The following EYA4 variants were observed in gnomAD, a reference collection of about 807,000 sequenced individuals.
The protein encoded by EYA4 is EYA transcriptional coactivator and phosphatase 4.
Under a neutral mutation model 87.9 loss-of-function variants are expected in EYA4, and 31 were observed. The ratio of observed to expected loss-of-function variants is 0.35; its 90% CI spans 0.27 to 0.48. EYA4 has a LOEUF of 0.48. Ranked by LOEUF, EYA4 falls within the 20% of genes least tolerant of loss-of-function variation. EYA4 has a pLI of 0.99. For missense variants in EYA4, 678 were observed against 761.4 expected (o/e 0.89, Z 1.29); for synonymous variants, 263 against 270.6 (o/e 0.97, Z 0.28).
At chr6:133,357,270 CAAAA>C (rs754202361) in intron 2 of EYA4, among the ~76,000 whole-genome samples, 10,322 of 64,672 alleles carry the variant, frequency 0.16, 297 homozygotes, top group South Asian at 0.31. Flanking sequence ...GACTCCGTCT[CAAAA>C]AAAAAAAAAA....
At chr6:133,416,275 C>G (rs186215964) in intron 3 of EYA4, among the ~76,000 whole-genome samples, 66 of 152,144 alleles carry the variant, frequency 4.3e-4, no homozygotes, top group Non-Finnish European at 7.9e-4. Context: ...AGTTAAAATG[C>G]AGATAAAGGA....
chr6:133,315,559 A>C (rs2128340813), intron 2 of EYA4, among the ~76,000 whole-genome samples: 1 of 152,294 alleles, frequency 6.6e-6, no homozygotes, highest in Admixed American at 6.5e-5. Context: ...AAAATGGTAA[A>C]AGAAAATGAG....
chr6:133,505,992 TA>T (rs554134605), intron 13 of EYA4, 113 bp from the exon 14 acceptor site: 5 of 735,098 alleles, frequency 6.8e-6, no homozygotes, highest in Non-Finnish European at 1.2e-5. Flanking sequence ...GAATCTTCAG[TA>T]AAAACCCATG....
At chr6:133,404,426 T>C (rs1358109800) in intron 3 of EYA4, among the ~76,000 whole-genome samples, 1 of 152,192 alleles carries the variant, frequency 6.6e-6, no homozygotes, top group Non-Finnish European at 1.5e-5. Flanking sequence ...CAATACCTCC[T>C]CTTAACCAAG....
In EYA4 at chr6:133,342,606, A is replaced by ATATATATATATATATAT. The variant is rs1554230276; in HGVS notation, c.34-39785_34-39784insATATATATATATATATT. 1.8e-3 allele frequency among the ~76,000 whole-genome samples: 95 copies of ATATATATATATATATAT among 53,930 alleles called. 1 individual carries two copies. The highest frequency in any genetic ancestry group is 6.8e-3 in the African/African-American group (71 of 10,474). The allele number at this position is 53,930 out of a possible 152,430, so 35.4% of individuals were successfully genotyped here. On this transcript the variant is annotated intron_variant, in intron 2 of 19. Coordinates refer to ENST00000355286, the MANE Select transcript of EYA4 (RefSeq NM_004100.5). ...ATATATATATATATATATATATATA[A>ATATATATATATATATAT]TTCTTTATATTTCTCTGGGCTTAAC...
chr6:133,361,723 A>G (rs1784466561), intron 2 of EYA4, among the ~76,000 whole-genome samples: 1 of 152,218 alleles, frequency 6.6e-6, no homozygotes, highest in Non-Finnish European at 1.5e-5. Context: ...ATTAGTGAAC[A>G]TGTTGATCAA....
At chr6:133,377,011 T>C (rs2128471875) in intron 2 of EYA4, among the ~76,000 whole-genome samples, 1 of 152,130 alleles carries the variant, frequency 6.6e-6, no homozygotes, top group East Asian at 1.9e-4. Flanking sequence ...TCTGCTTTAT[T>C]TTCATCTCAG....
chr6:133,391,222 G>GTTTTTTTTTTGT (rs1787250786), intron 3 of EYA4, among the ~76,000 whole-genome samples: 2 of 89,830 alleles, frequency 2.2e-5, no homozygotes, highest in African/African-American at 6.6e-5. Flanking sequence ...TTTTGTTTTT[G>GTTTTTTTTTTGT]TTTTTTTTTT....
chr6:133,336,926 T>A (rs940852792), intron 2 of EYA4, among the ~76,000 whole-genome samples: 7 of 151,976 alleles, frequency 4.6e-5, no homozygotes, highest in Admixed American at 2.0e-4. Flanking sequence ...GCAGGCTGGG[T>A]AGTTACTTGC....
rs576675257 is a variant in EYA4 at position 133,496,848 on chromosome 6, C to T, written c.1192-9258C>T. Among the ~76,000 whole-genome samples, 4 of 152,306 alleles carry T rather than the reference C, an allele frequency of 2.6e-5. No individual in the cohort carries two copies. In the East Asian group the frequency reaches 7.7e-4, roughly 29 times the overall value. ...AGAAATAACTAAAGGCAGATGTTTT[C>T]AGACCTGCAAGGTCAATGTTTACTC... On this transcript the variant is annotated intron_variant, in intron 13 of 19. Coordinates refer to ENST00000355286, the MANE Select transcript of EYA4 (RefSeq NM_004100.5).
chr6:133,434,094 A>C (rs1312211202), intron 3 of EYA4, among the ~76,000 whole-genome samples: 2 of 152,202 alleles, frequency 1.3e-5, no homozygotes, highest in African/African-American at 4.8e-5. Context: ...CTTATGGAAG[A>C]GAATGCTAGG....
At chr6:133,427,525 T>TA (rs937885221) in intron 3 of EYA4, among the ~76,000 whole-genome samples, 7 of 152,266 alleles carry the variant, frequency 4.6e-5, no homozygotes, top group Non-Finnish European at 1.0e-4. Flanking sequence ...TTGACAGGGG[T>TA]AAGGCCATTT....
At position 133,481,604 on chromosome 6, in the gene EYA4, G is replaced by T; in HGVS notation, c.1107+5G>T. 6.2e-7 allele frequency: 1 copy of T among 1,613,818 alleles called. No individual in the cohort carries two copies. The highest frequency in any genetic ancestry group is 8.5e-7 in the Non-Finnish European group (1 of 1,179,748). On this transcript the variant is annotated splice_donor_5th_base_variant and intron_variant, in intron 12 of 19. Transcript: ENST00000355286. ...CCTCCTGATAGTGACCTGGAGGTAT[G>T]CCTACTCATTCTTAAAGATTGTAGT...
chr6:133,321,907 C>T (rs558486872), intron 2 of EYA4, among the ~76,000 whole-genome samples: 18 of 152,268 alleles, frequency 1.2e-4, no homozygotes, highest in African/African-American at 2.2e-4. Context: ...CTGCTCTGGA[C>T]GTAGAGGCCC....
At chr6:133,293,580 A>G (rs1457934346) in intron 2 of EYA4, among the ~76,000 whole-genome samples, 1 of 152,076 alleles carries the variant, frequency 6.6e-6, no homozygotes, top group Non-Finnish European at 1.5e-5. Context: ...CTCGTCTATA[A>G]CCTTCATCCT....
At chr6:133,449,108 A>C (rs1279988843) in intron 5 of EYA4, among the ~76,000 whole-genome samples, 1 of 152,260 alleles carries the variant, frequency 6.6e-6, no homozygotes, top group African/African-American at 2.4e-5. Context: ...GCTAGAATTT[A>C]GATACTCTTA....
intron 2 of EYA4, among the ~76,000 whole-genome samples, chr6:133,355,206 C>A (rs914468251): frequency 6.6e-6 from 1 of 151,978 alleles, no homozygotes; most frequent in African/African-American, 2.4e-5. Context: ...AAGCCTAGTA[C>A]CCATTAGTTA....
intron 2 of EYA4, among the ~76,000 whole-genome samples, chr6:133,282,986 T>G (rs982069166): frequency 6.6e-6 from 1 of 152,148 alleles, no homozygotes; most frequent in Non-Finnish European, 1.5e-5. Flanking sequence ...TAATTCTATC[T>G]TATAAATTAA....
chr6:133,410,633 T>TTTTTTTTTTTTTTTTTTTTTTTTTTGAG (rs1554252061), intron 3 of EYA4, among the ~76,000 whole-genome samples: 6 of 148,710 alleles, frequency 4.0e-5, no homozygotes, highest in Non-Finnish European at 6.0e-5. Flanking sequence ...ACTAAGGTCT[T>TTTTTTTTTTTTTTTTTTTTTTTTTTGAG]AATTCCTTCT....
Sources: allele counts gnomAD v4.1 joint callset (sites outside exome capture counted in the v4.1 genomes callset), GRCh38; gene constraint gnomAD v4.1.1; transcripts MANE v1.5; gene names NCBI Gene and HGNC (gene_info 2026-07-23, HGNC 2026-07-21).